CADM2: variants seen among roughly 807,000 people sequenced by gnomAD.
CADM2 encodes the protein cell adhesion molecule 2.
CADM2 carries 12 observed loss-of-function variants against 49.8 expected under a neutral mutation model. That is an observed-to-expected ratio of 0.24 (90% CI 0.15 to 0.39). CADM2 has a LOEUF of 0.39. Among genes scored for constraint, CADM2 ranks in the 10% least tolerant of loss-of-function variants. The pLI is 1.00. For synonymous variants in CADM2, 214 were observed against 175.4 expected (o/e 1.22, Z -1.74); for missense variants, 378 against 492.3 (o/e 0.77, Z 2.20).
chr3:85,483,824 A>T (rs1344307390), intron 1 of CADM2, among the ~76,000 whole-genome samples: 2 of 151,590 alleles, frequency 1.3e-5, no homozygotes, highest in East Asian at 3.9e-4. Context: ...TTACTTTTAA[A>T]GGTCTTCTTG....
At chr3:85,988,645 C>T (rs1279233344) in intron 8 of CADM2, among the ~76,000 whole-genome samples, 1 of 152,148 alleles carries the variant, frequency 6.6e-6, no homozygotes, top group Non-Finnish European at 1.5e-5. Flanking sequence ...AATAAAGTTA[C>T]TATAAATGCT....
At chr3:86,018,797 G>T (rs1732697015) in intron 8 of CADM2, among the ~76,000 whole-genome samples, 1 of 151,608 alleles carries the variant, frequency 6.6e-6, no homozygotes, top group Non-Finnish European at 1.5e-5. Flanking sequence ...AGATGAGTAG[G>T]TTGTGAAAAT....
intron 1 of CADM2, among the ~76,000 whole-genome samples, chr3:85,261,033 T>A (rs1198686788): frequency 6.6e-6 from 1 of 152,188 alleles, no homozygotes; most frequent in East Asian, 1.9e-4. Flanking sequence ...TGTGTCTTAT[T>A]TTTTTGCTTT....
rs528891552 is a variant in CADM2, at chr3:84,991,755, CTT to C, written c.61+32090_61+32091del. 5.3e-5 allele frequency among the ~76,000 whole-genome samples: 8 copies of C among 152,252 alleles called. No individual in the cohort carries two copies. In the East Asian group the frequency reaches 1.5e-3, roughly 29 times the overall value. On this transcript the variant is annotated intron_variant, in intron 1 of 9. Transcript: ENST00000383699. ...TAAAACTTGGAAGTAATCAAAATGTCTTTTAGTGGGTGAGGGGATAAACTGTG... is the reference window on the plus strand; with the variant it reads ...TAAAACTTGGAAGTAATCAAAATGTCTTAGTGGGTGAGGGGATAAACTGTG...
intron 1 of CADM2, among the ~76,000 whole-genome samples, chr3:85,490,844 A>C (rs1054671558): frequency 2.5e-4 from 38 of 151,888 alleles, no homozygotes; most frequent in African/African-American, 8.9e-4. Context: ...CTTTGTTCTG[A>C]GAGTAAAAAA....
chr3:85,314,980 A>G (rs1467193927), intron 1 of CADM2, among the ~76,000 whole-genome samples: 1 of 152,310 alleles, frequency 6.6e-6, no homozygotes, highest in East Asian at 1.9e-4. Flanking sequence ...ATTCTCACAC[A>G]GTTCTGGAGG....
intron 1 of CADM2, among the ~76,000 whole-genome samples, chr3:85,145,178 C>A (rs958811999): frequency 6.6e-6 from 1 of 152,170 alleles, no homozygotes; most frequent in African/African-American, 2.4e-5. Context: ...TTTAATTCAA[C>A]AAATATTTAT....
At chr3:85,336,337 G>A (rs1415522375) in intron 1 of CADM2, among the ~76,000 whole-genome samples, 1 of 151,416 alleles carries the variant, frequency 6.6e-6, no homozygotes, top group Non-Finnish European at 1.5e-5. Context: ...ATAATAGGTT[G>A]CAATAATTTT....
At chr3:85,114,244 G>A (rs1236144898) in intron 1 of CADM2, among the ~76,000 whole-genome samples, 1 of 152,020 alleles carries the variant, frequency 6.6e-6, no homozygotes, top group African/African-American at 2.4e-5. Flanking sequence ...ATAATGGATA[G>A]GCATAGAGAA....
chr3:85,895,241 G>A (rs1353655528), intron 5 of CADM2, among the ~76,000 whole-genome samples: 1 of 152,220 alleles, frequency 6.6e-6, no homozygotes, highest in African/African-American at 2.4e-5. Context: ...TGACCTGGAT[G>A]TGGGAGCCCA....
At chr3:85,091,890 T>G (rs2037610458) in intron 1 of CADM2, among the ~76,000 whole-genome samples, 1 of 152,138 alleles carries the variant, frequency 6.6e-6, no homozygotes, top group Non-Finnish European at 1.5e-5. Context: ...AGAAAACATT[T>G]AAACATCAAA....
intron 1 of CADM2, among the ~76,000 whole-genome samples, chr3:85,481,275 T>C (rs2039199417): frequency 6.7e-6 from 1 of 149,824 alleles, no homozygotes; most frequent in South Asian, 2.1e-4. Flanking sequence ...ATCAACAGTG[T>C]TTAATATTTA....
At chr3:85,519,149 C>A (rs569563581) in intron 1 of CADM2, among the ~76,000 whole-genome samples, 2 of 152,042 alleles carry the variant, frequency 1.3e-5, no homozygotes, top group African/African-American at 4.8e-5. Flanking sequence ...TCATTACTTT[C>A]ATCTCTAATT....
intron 1 of CADM2, among the ~76,000 whole-genome samples, chr3:85,254,650 A>G (rs961716518): frequency 6.6e-6 from 1 of 152,132 alleles, no homozygotes; most frequent in Non-Finnish European, 1.5e-5. Flanking sequence ...ATCTTCGTTC[A>G]TGAATGTGAG....
rs550384161 is a variant in CADM2 at position 85,916,007 on chromosome 3, T to A, written c.700+3464T>A. 7.9e-4 allele frequency among the ~76,000 whole-genome samples: 120 copies of A among 152,244 alleles called. No homozygotes were observed. The Middle Eastern group carries it at 0.01, about 13-fold the overall frequency. Reference sequence around the variant, plus strand: ...ATGCCAAGAGGCATAATGAAAAAAGTATAGTAGGAGGACTTATATTTCTAG... The same window carrying A: ...ATGCCAAGAGGCATAATGAAAAAAGAATAGTAGGAGGACTTATATTTCTAG... On this transcript the variant is annotated intron_variant, in intron 6 of 9. Coordinates refer to ENST00000383699, the MANE Select transcript of CADM2 (RefSeq NM_001167675.2).
chr3:85,964,847 T>A (rs79298040), intron 8 of CADM2, among the ~76,000 whole-genome samples: 6,186 of 151,832 alleles, frequency 0.041, 419 homozygotes, highest in African/African-American at 0.14. Flanking sequence ...CACAGTAGTT[T>A]CTATTTTCTT....
intron 1 of CADM2, among the ~76,000 whole-genome samples, chr3:85,497,832 TTATC>T (rs1290030471): frequency 1.4e-4 from 22 of 152,194 alleles, no homozygotes; most frequent in Admixed American, 2.6e-4. Context: ...GTCTATCTAT[TTATC>T]TATCTATCTA....
At chr3:85,503,878 T>TA (rs1260713762) in intron 1 of CADM2, among the ~76,000 whole-genome samples, 2 of 152,156 alleles carry the variant, frequency 1.3e-5, no homozygotes, top group African/African-American at 2.4e-5. Flanking sequence ...TTAATTCTCT[T>TA]AGAGTGCACT....
intron 1 of CADM2, among the ~76,000 whole-genome samples, chr3:85,594,239 T>A (rs1205222000): frequency 6.6e-6 from 1 of 151,870 alleles, no homozygotes; most frequent in Non-Finnish European, 1.5e-5. Context: ...TACATTTGCC[T>A]GACTCAAAGC....
Sources: allele counts gnomAD v4.1 joint callset (sites outside exome capture counted in the v4.1 genomes callset), GRCh38; gene constraint gnomAD v4.1.1; transcripts MANE v1.5; gene names NCBI Gene and HGNC (gene_info 2026-07-23, HGNC 2026-07-21).